C12orf42: variants seen among roughly 807,000 people sequenced by gnomAD.
C12orf42 encodes the protein chromosome 12 open reading frame 42, also known as uncharacterized protein C12orf42.
C12orf42 carries 25 observed loss-of-function variants against 21.6 expected under a neutral mutation model. The ratio of observed to expected loss-of-function variants is 1.16; its 90% CI spans 0.84 to 1.62. The LOEUF (loss-of-function observed/expected upper bound fraction) is 1.62. Among genes scored for constraint, C12orf42 ranks in the 40% most tolerant of loss-of-function variants. The probability of loss-of-function intolerance (pLI) is 0.00; values close to 1 mark genes in which losing one functional copy is unlikely to be tolerated. For synonymous variants in C12orf42, 174 were observed against 175.0 expected, an observed-to-expected ratio of 0.99 and a Z score of 0.05; for missense variants, 483 against 459.3, an observed-to-expected ratio of 1.05 and a Z score of -0.47.
the C12orf42 span, among the ~76,000 whole-genome samples, chr12:103,101,785 T>G: frequency 6.6e-6 from 1 of 152,220 alleles, no homozygotes; most frequent in African/African-American, 2.4e-5. Flanking sequence ...TTGGGCTGGG[T>G]TCAACAAGGT....
At chr12:103,507,178 T>A in the C12orf42 span, among the ~76,000 whole-genome samples, 3 of 24,286 alleles carry the variant, frequency 1.2e-4, no homozygotes, top group African/African-American at 4.4e-4. Flanking sequence ...TATATTTATA[T>A]TATATATAAT....
chr12:103,430,850 A>T (rs1950212587), intron 2 of C12orf42, among the ~76,000 whole-genome samples: 1 of 152,206 alleles, frequency 6.6e-6, no homozygotes, highest in South Asian at 2.1e-4. Flanking sequence ...ATTCTCAGCA[A>T]ACTAACACAG....
chr12:103,279,451 T>C (rs1460422810), intron 4 of C12orf42, among the ~76,000 whole-genome samples: 3 of 152,198 alleles, frequency 2.0e-5, no homozygotes, highest in Non-Finnish European at 4.4e-5. Flanking sequence ...ATTTTGTTGT[T>C]TTATATAAAA....
chr12:103,525,637 T>C, the C12orf42 span, among the ~76,000 whole-genome samples: 4 of 152,306 alleles, frequency 2.6e-5, no homozygotes, highest in African/African-American at 7.2e-5. Context: ...TAAGTATCAA[T>C]ATTATTATAA....
chr12:103,241,305 G>T (rs1230617918), intron 10 of C12orf42, among the ~76,000 whole-genome samples: 1 of 151,972 alleles, frequency 6.6e-6, no homozygotes, highest in African/African-American at 2.4e-5. Context: ...CATTTATTTA[G>T]ATTCCATTTT....
the C12orf42 span, among the ~76,000 whole-genome samples, chr12:103,087,884 A>G: frequency 6.6e-6 from 1 of 152,260 alleles, no homozygotes; most frequent in African/African-American, 2.4e-5. Context: ...AGGTAATGTT[A>G]TGAGTTTGAT....
At chr12:103,315,050 C>T (rs1437156447) in intron 4 of C12orf42, among the ~76,000 whole-genome samples, 3 of 152,264 alleles carry the variant, frequency 2.0e-5, no homozygotes, top group Non-Finnish European at 2.9e-5. Context: ...AATTTGAAGC[C>T]TCTGACCCCT....
intron 2 of C12orf42, among the ~76,000 whole-genome samples, chr12:103,447,141 A>G (rs533058979): frequency 1.4e-4 from 21 of 152,062 alleles, no homozygotes; most frequent in African/African-American, 4.8e-4. Context: ...ATTTAAGAAA[A>G]TCAAAATTAT....
the C12orf42 span, among the ~76,000 whole-genome samples, chr12:103,533,783 T>C: frequency 1.3e-5 from 2 of 152,258 alleles, no homozygotes; most frequent in African/African-American, 2.4e-5. Flanking sequence ...CATAGGTTTA[T>C]ATGCTATTCT....
chr12:103,326,479 T>C (rs2040719344), intron 4 of C12orf42, among the ~76,000 whole-genome samples: 1 of 152,206 alleles, frequency 6.6e-6, no homozygotes, highest in Non-Finnish European at 1.5e-5. Context: ...TAAGATTTAT[T>C]TTTATGGTCA....
the C12orf42 span, among the ~76,000 whole-genome samples, chr12:103,214,496 C>T: frequency 3.3e-5 from 5 of 152,176 alleles, 1 homozygote; most frequent in Non-Finnish European, 5.9e-5. Context: ...CAGTTATCCC[C>T]GCACGGAGAT....
chr12:103,345,097 GCTTCAAATACTA>G (rs1281293437), intron 4 of C12orf42, among the ~76,000 whole-genome samples: 9 of 152,084 alleles, frequency 5.9e-5, no homozygotes, highest in African/African-American at 2.2e-4. Flanking sequence ...GCCCCTTTTG[GCTTCAAATACTA>G]CATCTACAAA....
chr12:103,056,047 AT>A, the C12orf42 span, among the ~76,000 whole-genome samples: 2 of 151,966 alleles, frequency 1.3e-5, no homozygotes, highest in African/African-American at 2.4e-5. Flanking sequence ...TAGCGATTAG[AT>A]TTTTTTGGTG....
chr12:103,449,448 T>G (rs1276287413), intron 2 of C12orf42, among the ~76,000 whole-genome samples: 10 of 151,808 alleles, frequency 6.6e-5, no homozygotes, highest in Admixed American at 6.6e-4. Context: ...AAGAACTTAT[T>G]CATGTAACCA....
At chr12:103,210,991 TCTC>T in the C12orf42 span, among the ~76,000 whole-genome samples, 15 of 152,174 alleles carry the variant, frequency 9.9e-5, no homozygotes, top group African/African-American at 2.2e-4. Context: ...TCTTGTAAAA[TCTC>T]CTGCTGGAGC....
intron 10 of C12orf42, among the ~76,000 whole-genome samples, chr12:103,243,284 C>T (rs2033844135): frequency 6.6e-6 from 1 of 152,024 alleles, no homozygotes. Flanking sequence ...GCCTCAGCCT[C>T]CCAAAGCTCT....
intron 4 of C12orf42, among the ~76,000 whole-genome samples, chr12:103,358,300 G>T (rs1419185576): frequency 6.6e-6 from 1 of 152,060 alleles, no homozygotes; most frequent in Non-Finnish European, 1.5e-5. Context: ...GAATTATCAT[G>T]GACATTTTTG....
the C12orf42 span, among the ~76,000 whole-genome samples, chr12:103,054,327 C>A: frequency 3.3e-5 from 5 of 151,754 alleles, no homozygotes; most frequent in Non-Finnish European, 7.4e-5. Flanking sequence ...TTAAGTATTT[C>A]AATATTTTGA....
chr12:103,478,328 A>ATAG, intron 2 of C12orf42, 21 bp downstream of exon 2: 1 of 1,520,632 alleles, frequency 6.6e-7, no homozygotes, highest in South Asian at 1.2e-5. Flanking sequence ...GTAAGAAAAT[A>ATAG]TAGTATCTCT....
Sources: allele counts gnomAD v4.1 joint callset (sites outside exome capture counted in the v4.1 genomes callset), GRCh38; gene constraint gnomAD v4.1.1; transcripts MANE v1.5; gene names NCBI Gene and HGNC (gene_info 2026-07-23, HGNC 2026-07-21).